The following GSN variants were observed in gnomAD, a reference collection of about 807,000 sequenced individuals.
The protein encoded by GSN is actin-depolymerizing factor.
Under a neutral mutation model 85.7 loss-of-function variants are expected in GSN, and 56 were observed. The observed-to-expected ratio is 0.65, with a 90% confidence interval of 0.53 to 0.82. The LOEUF (loss-of-function observed/expected upper bound fraction) is 0.82. GSN is among the 40% of genes least tolerant of loss of function. The pLI is 0.00. For missense variants in GSN, 857 were observed against 979.8 expected (o/e 0.87, Z 1.67); for synonymous variants, 373 against 399.1 (o/e 0.93, Z 0.78).
chr9:121,293,510 A>T (rs2058898568), intron 2 of GSN, among the ~76,000 whole-genome samples: 1 of 151,936 alleles, frequency 6.6e-6, no homozygotes, highest in African/African-American at 2.4e-5. Context: ...GCACTCTGGG[A>T]GGCCGAGGAG....
At position 121,249,303 on chromosome 9, in the gene GSN, A is replaced by G. The variant is rs528851764; in HGVS notation, c.-341+980A>G. 1.3e-3 allele frequency among the ~76,000 whole-genome samples: 203 copies of G among 152,206 alleles called. 4 individuals are homozygous for G. Among genetic ancestry groups the G allele is most frequent in the Non-Finnish European group, 1.0e-3 (68 of 68,000 alleles). On this transcript the variant is annotated intron_variant, in intron 6 of 24. Transcript: ENST00000373823. Reference sequence around the variant, plus strand: ...GTGAAACCTGGTCTGTACAAAAAAAAAAATTTTTTTTTAAATACAAAAATT... The same window carrying G: ...GTGAAACCTGGTCTGTACAAAAAAAGAAATTTTTTTTTAAATACAAAAATT...
intron 4 of GSN, among the ~76,000 whole-genome samples, chr9:121,211,842 A>T (rs2053974538): frequency 6.6e-6 from 1 of 152,180 alleles, no homozygotes; most frequent in Admixed American, 6.5e-5. Flanking sequence ...ATAGCAAAAA[A>T]ATATATTTTT....
intron 7 of GSN, among the ~76,000 whole-genome samples, chr9:121,316,660 G>A (rs2133610100): frequency 6.6e-6 from 1 of 152,124 alleles, no homozygotes; most frequent in Admixed American, 6.5e-5. Context: ...TTGTAGAGAT[G>A]GGATCTTGCC....
At position 121,326,569 on chromosome 9, in the gene GSN, C is replaced by T. The variant is rs1564588065; in HGVS notation, c.1474C>T (p.Pro492Ser). The T allele has an allele frequency of 1.2e-6, 2 of 1,613,968 alleles. No individual in the cohort carries two copies. Among genetic ancestry groups the T allele is most frequent in the South Asian group, 1.1e-5 (1 of 91,048 alleles). ...AHLMSLFGGKPMIIYKGGTSR... is the reference protein window; with the variant it reads ...AHLMSLFGGKSMIIYKGGTSR... Reference sequence around the variant, plus strand: ...CCTCATGAGCCTGTTTGGTGGGAAGCCCATGATCATCTACAAGGGCGGCAC... The same window carrying T: ...CCTCATGAGCCTGTTTGGTGGGAAGTCCATGATCATCTACAAGGGCGGCAC... The change falls in exon 13 of 18, where the codon CCC becomes TCC. Residue 492 changes from proline to serine, a missense_variant. Pro to Ser is a moderately conservative substitution (Grantham distance 74, BLOSUM62 -1). Transcript: ENST00000432226.
chr9:121,271,500 A>C (rs73660427), intron 1 of GSN, among the ~76,000 whole-genome samples: 345 of 152,382 alleles, frequency 2.3e-3, no homozygotes, highest in African/African-American at 8.0e-3. Flanking sequence ...CCGAGGCTGA[A>C]TAACATGCCC....
upstream of GSN, among the ~76,000 whole-genome samples, chr9:121,206,597 A>G (rs1261859294): frequency 6.6e-6 from 1 of 152,158 alleles, no homozygotes; most frequent in African/African-American, 2.4e-5. Flanking sequence ...TTAATGAGGT[A>G]AAAAGCAAGC....
intron 1 of GSN, chr9:121,279,906 A>G (rs1486407515): frequency 6.6e-6 from 1 of 152,116 alleles, no homozygotes; most frequent in African/African-American, 2.4e-5. Flanking sequence ...TTTGAGAAAG[A>G]CCCACAGAGG....
At chr9:121,315,297 A>G (rs2133576935) in intron 7 of GSN, among the ~76,000 whole-genome samples, 1 of 152,272 alleles carries the variant, frequency 6.6e-6, no homozygotes, top group South Asian at 2.1e-4. Flanking sequence ...ATTTTATTTT[A>G]TGAATGTAAG....
At chr9:121,266,533 A>G (rs933537889), upstream of GSN, among the ~76,000 whole-genome samples, 1 of 152,206 alleles carries the variant, frequency 6.6e-6, no homozygotes, top group African/African-American at 2.4e-5. Context: ...TTGTATTCTC[A>G]GAGAAAGTGG....
intron 10 of GSN, among the ~76,000 whole-genome samples, chr9:121,319,409 C>T (rs927313030): frequency 2.6e-5 from 4 of 152,082 alleles, no homozygotes; most frequent in African/African-American, 9.7e-5. Context: ...AGACTTGATC[C>T]TCTAACCAGT....
At chr9:121,319,548 C>G (rs570897104) in intron 10 of GSN, among the ~76,000 whole-genome samples, 34 of 151,094 alleles carry the variant, frequency 2.3e-4, no homozygotes, top group Non-Finnish European at 4.0e-4. Flanking sequence ...ATTTCAAACT[C>G]CTGGGCTCAA....
chr9:121,299,707 G>A lies in GSN; in HGVS notation c.-9-2256G>A. 1 of 938,874 alleles carries A rather than the reference G, an allele frequency of 1.1e-6. No homozygotes were observed. The highest frequency in any genetic ancestry group is 1.3e-6 in the Non-Finnish European group (1 of 743,548). The allele number at this position is 938,874 out of a possible 1,614,324, so 58.2% of individuals were successfully genotyped here. The stretch of plus-strand genomic sequence containing the variant: ...CGCGCCCTGTCGGGTCGATCCGGGT[G>A]GGAACCCAGATGTCTCCAAGATCCG... On this transcript the variant is annotated intron_variant, in intron 2 of 17. Coordinates refer to ENST00000432226, the MANE Select transcript of GSN (RefSeq NM_198252.3). This position sits in a 1 kb window ranked among gnomAD's most constrained non-coding sequence, Gnocchi z 4.2.
chr9:121,320,652 C>CAA (rs564880956), intron 10 of GSN, among the ~76,000 whole-genome samples: 7 of 81,842 alleles, frequency 8.6e-5, no homozygotes, highest in Middle Eastern at 6.5e-3. Context: ...TCTCAAAAAA[C>CAA]AAAAAAAAAA....
chr9:121,203,997 G>A (rs2132046812), upstream of GSN, among the ~76,000 whole-genome samples: 1 of 152,278 alleles, frequency 6.6e-6, no homozygotes, highest in African/African-American at 2.4e-5. Context: ...CCTGTGCCAA[G>A]TAAAGGAGAA....
rs374571846 is a variant in GSN at position 121,317,187 on chromosome 9, C to T, written c.855C>T (p.His285=). 45 of 1,614,142 alleles carry T rather than the reference C, an allele frequency of 2.8e-5. No individual in the cohort carries two copies. Among genetic ancestry groups the T allele is most frequent in the Admixed American group, 2.0e-4 (12 of 60,026 alleles). ...LKSEDCFILD[H]GKDGKIFVWK... is the part of the protein sequence containing the mutation. ...CAGAGGACTGCTTCATCCTGGACCACGGCAAAGATGGGAAAATCTTTGTCT... is the reference window on the plus strand; with the variant it reads ...CAGAGGACTGCTTCATCCTGGACCATGGCAAAGATGGGAAAATCTTTGTCT... Residue 285 remains histidine, a synonymous_variant, in exon 8 of 18, where the codon CAC becomes CAT. Transcript: ENST00000432226.
intron 1 of GSN, among the ~76,000 whole-genome samples, chr9:121,278,539 C>T (rs1276511179): frequency 1.3e-5 from 2 of 152,182 alleles, no homozygotes; most frequent in Admixed American, 6.5e-5. Flanking sequence ...TTTCATCGGG[C>T]GAGCTCTCTC....
At position 121,299,732 on chromosome 9, in the gene GSN, G is replaced by T; in HGVS notation, c.-9-2231G>T. On this transcript the variant is annotated intron_variant, in intron 2 of 17. Coordinates refer to ENST00000432226, the MANE Select transcript of GSN (RefSeq NM_198252.3). This position sits in a 1 kb window ranked among gnomAD's most constrained non-coding sequence, Gnocchi z 4.2. The stretch of plus-strand genomic sequence containing the variant: ...GGGAACCCAGATGTCTCCAAGATCC[G>T]AGACAGATCCCCGCCCCGCGCCCTC... 9.2e-7 allele frequency: 1 copy of T among 1,087,142 alleles called. No individual in the cohort carries two copies. Among genetic ancestry groups the T allele is most frequent in the Non-Finnish European group, 1.1e-6 (1 of 869,778 alleles). 67.3% of individuals were successfully genotyped at this position (1,087,142 alleles called of 1,614,324 possible).
intron 4 of GSN, among the ~76,000 whole-genome samples, chr9:121,226,736 A>G (rs10760158): frequency 0.49 from 74,764 of 151,920 alleles, 19,505 homozygotes; most frequent in East Asian, 0.76. Context: ...TTTCCTAGGT[A>G]ATAGGGGTAT....
At position 121,302,034 on chromosome 9, in the gene GSN, T is replaced by C. The variant is rs2059927128; in HGVS notation, c.63T>C (p.Arg21=). The change falls in exon 3 of 18, where the codon CGT becomes CGC. Residue 21 remains arginine (R), a synonymous_variant. Coordinates refer to ENST00000432226, the MANE Select transcript of GSN (RefSeq NM_198252.3). ...AGGAGCCTGGCCTGCAGATCTGGCG[T>C]GTGGAGAAGTTCGATCTGGTGCCCG... The part of the protein sequence containing the change: ...AGKEPGLQIW[R]VEKFDLVPVP... 1 of 1,614,130 alleles carries C rather than the reference T, an allele frequency of 6.2e-7. No homozygotes were observed. The highest frequency in any genetic ancestry group is 8.5e-7 in the Non-Finnish European group (1 of 1,180,046).
Sources: allele counts gnomAD v4.1 joint callset (sites outside exome capture counted in the v4.1 genomes callset), GRCh38; gene constraint gnomAD v4.1.1; non-coding constraint Gnocchi (gnomAD v3.1); transcripts MANE v1.5; gene names NCBI Gene and HGNC (gene_info 2026-07-23, HGNC 2026-07-21).